The following SCAF8 variants were observed in gnomAD, a reference collection of about 807,000 sequenced individuals.
SCAF8 encodes the protein SR-related CTD associated factor 8.
A neutral mutation model predicts 140.5 loss-of-function variants in SCAF8; 23 were observed. The ratio of observed to expected loss-of-function variants is 0.16; its 90% confidence interval spans 0.12 to 0.23. The LOEUF (loss-of-function observed/expected upper bound fraction) is 0.23, where lower values mean the gene tolerates loss of function less well. SCAF8 is among the 10% of genes least tolerant of loss of function. The pLI is 1.00. For synonymous variants in SCAF8, 575 were observed against 528.9 expected (o/e 1.09, Z -1.20); for missense variants, 1,397 against 1,555.7 (o/e 0.90, Z 1.72).
intron 12 of SCAF8, among the ~76,000 whole-genome samples, chr6:154,811,920 T>A (rs988116664): frequency 6.6e-6 from 1 of 152,202 alleles, no homozygotes; most frequent in Non-Finnish European, 1.5e-5. Flanking sequence ...TGCCACATTT[T>A]CTTAATCCAG....
At chr6:154,778,068 A>G (rs746038125) in intron 3 of SCAF8, 23 bp downstream of exon 3, 24 of 1,374,804 alleles carry the variant, frequency 1.7e-5, no homozygotes, top group Non-Finnish European at 2.5e-5. Context: ...TTTTCCATAC[A>G]TGTGCTGTAA....
At chr6:154,789,091 T>C (rs374230019) in intron 4 of SCAF8, among the ~76,000 whole-genome samples, 1 of 152,172 alleles carries the variant, frequency 6.6e-6, no homozygotes, top group African/African-American at 2.4e-5. Context: ...CTTGTTATAA[T>C]GGATAGCTAT....
intron 15 of SCAF8, among the ~76,000 whole-genome samples, chr6:154,820,812 G>C (rs1330223288): frequency 1.3e-5 from 2 of 151,748 alleles, no homozygotes; most frequent in African/African-American, 4.8e-5. Flanking sequence ...TCATCAGCCT[G>C]CTTTTTTTTA....
In SCAF8 at chr6:154,801,955, AT is replaced by A. The variant is rs751667789; in HGVS notation, c.607-9del. Reference sequence around the variant, plus strand: ...ACCCAACACCTGTTTTGTAATATATATTTTTTTCTCTCCAGCTTCAACAATT... The same window carrying A: ...ACCCAACACCTGTTTTGTAATATATATTTTTTCTCTCCAGCTTCAACAATT... On this transcript the variant is annotated splice_polypyrimidine_tract_variant and intron_variant, in intron 6 of 19. Transcript: ENST00000367178. 1.3e-6 allele frequency: 2 copies of A among 1,547,432 alleles called. No individual in the cohort carries two copies. The highest frequency in any genetic ancestry group is 2.3e-5 in the East Asian group (1 of 43,168).
At chr6:154,760,416 C>T (rs550236617) in intron 1 of SCAF8, among the ~76,000 whole-genome samples, 75 of 152,164 alleles carry the variant, frequency 4.9e-4, no homozygotes, top group African/African-American at 1.7e-3. Flanking sequence ...CAGATGTTTG[C>T]ATATTTCAGA....
At chr6:154,746,943 T>C (rs951314240) in intron 1 of SCAF8, among the ~76,000 whole-genome samples, 1 of 152,258 alleles carries the variant, frequency 6.6e-6, no homozygotes, top group African/African-American at 2.4e-5. Context: ...TAACTACTTA[T>C]GCTCTGATAA....
chr6:154,832,340 A>G lies in SCAF8; in HGVS notation c.2761A>G (p.Met921Val). 1.2e-6 allele frequency: 2 copies of G among 1,613,962 alleles called. No individual in the cohort carries two copies. Among genetic ancestry groups the G allele is most frequent in the Non-Finnish European group, 1.7e-6 (2 of 1,179,972 alleles). Residue 921 changes from methionine (M) to valine (V), a missense_variant, in exon 20 of 20, where the codon ATG (methionine) becomes GTG (valine). Met to Val is a conservative substitution (Grantham distance 21). This residue lies in a region of SCAF8 where 930 missense variants were observed against 874.6 expected (regional missense o/e 1.06). Transcript: ENST00000367178. ...LSIPNQRMPT[M>V]PMLDIRPGLI... ...TATCCCTAATCAAAGGATGCCCACA[A>G]TGCCAATGTTAGACATTCGTCCGGG...
At chr6:154,793,968 C>T (rs925750977) in intron 5 of SCAF8, among the ~76,000 whole-genome samples, 9 of 151,840 alleles carry the variant, frequency 5.9e-5, no homozygotes, top group African/African-American at 9.7e-5. Context: ...GTCACCCAGG[C>T]GGGTGTGCAG....
intron 8 of SCAF8, among the ~76,000 whole-genome samples, chr6:154,803,859 G>A (rs2114902237): frequency 6.6e-6 from 1 of 152,146 alleles, no homozygotes; most frequent in Non-Finnish European, 1.5e-5. Flanking sequence ...ATACATATTG[G>A]TAAATCTGGT....
chr6:154,758,233 G>A (rs1173974199), intron 1 of SCAF8, among the ~76,000 whole-genome samples: 1 of 152,022 alleles, frequency 6.6e-6, no homozygotes, highest in East Asian at 1.9e-4. Flanking sequence ...ATATGCTGGC[G>A]ACATTTTTAA....
intron 8 of SCAF8, among the ~76,000 whole-genome samples, chr6:154,804,727 T>C (rs2114903610): frequency 6.6e-6 from 1 of 152,196 alleles, no homozygotes; most frequent in East Asian, 1.9e-4. Flanking sequence ...TCAAGACTTC[T>C]CACCATCCTG....
chr6:154,821,846 A>G (rs933050747), intron 15 of SCAF8, among the ~76,000 whole-genome samples: 1 of 152,098 alleles, frequency 6.6e-6, no homozygotes, highest in African/African-American at 2.4e-5. Context: ...TGAGAGAGGA[A>G]CCATTAGAGC....
chr6:154,785,315 T>C (rs1042362671), intron 3 of SCAF8, among the ~76,000 whole-genome samples: 1 of 152,206 alleles, frequency 6.6e-6, no homozygotes, highest in Admixed American at 6.5e-5. Context: ...TATTTACATA[T>C]GTAAGGTAAT....
At chr6:154,819,410 C>T (rs1439872471) in intron 14 of SCAF8, among the ~76,000 whole-genome samples, 1 of 151,956 alleles carries the variant, frequency 6.6e-6, no homozygotes, top group African/African-American at 2.4e-5. Context: ...GACAACATGG[C>T]GAGACCTCAT....
intron 10 of SCAF8, 51 bp from the exon 11 acceptor site, chr6:154,808,635 C>G: frequency 8.8e-7 from 1 of 1,139,200 alleles, no homozygotes; most frequent in Non-Finnish European, 1.3e-6. Flanking sequence ...CAATGTATAA[C>G]TCTGTCTCAA....
chr6:154,808,755 G>A lies in SCAF8; in HGVS notation c.1183G>A (p.Ala395Thr). The change falls in exon 11 of 20, where the codon GCG (alanine) becomes ACG (threonine). Residue 395 changes from alanine (A) to threonine (T), a missense_variant. By Grantham distance (58) the Ala-to-Thr change is moderately conservative (BLOSUM62 0). Transcript: ENST00000367178. ...EVFEQEAKKV[A>T]VRSRSRTHSR... is the part of the protein sequence containing the mutation. ...CTTTGAACAAGAAGCTAAGAAAGTG[G>A]CGGTTCGCTCAAGATCAAGAACACA... 3.1e-6 allele frequency: 5 copies of A among 1,613,870 alleles called. No individual in the cohort carries two copies. The highest frequency in any genetic ancestry group is 4.2e-6 in the Non-Finnish European group (5 of 1,179,840).
chr6:154,822,917 A>G (rs995975688), intron 16 of SCAF8, among the ~76,000 whole-genome samples: 2 of 152,232 alleles, frequency 1.3e-5, no homozygotes, highest in Non-Finnish European at 2.9e-5. Context: ...AAAACGTAAA[A>G]TAAATATGAT....
At chr6:154,747,352 C>A (rs1355451874) in intron 1 of SCAF8, among the ~76,000 whole-genome samples, 1 of 151,958 alleles carries the variant, frequency 6.6e-6, no homozygotes, top group African/African-American at 2.4e-5. Flanking sequence ...TATGTCTCTA[C>A]AAAAAATATT....
chr6:154,814,683 A>T (rs893817369), intron 12 of SCAF8, among the ~76,000 whole-genome samples: 1 of 151,618 alleles, frequency 6.6e-6, no homozygotes, highest in Admixed American at 6.6e-5. Context: ...CAAATATAAC[A>T]TATGAAAATT....
Sources: gnomAD v4.1 joint callset for allele counts (sites outside exome capture counted in the v4.1 genomes callset) on GRCh38, gnomAD v4.1.1 for gene constraint, gnomAD v4.1.1 regional missense constraint, MANE v1.5 for transcripts, NCBI Gene and HGNC (gene_info 2026-07-23, HGNC 2026-07-21) for gene names.